The following LONRF1 variants were observed in gnomAD, a reference collection of about 807,000 sequenced individuals.
LONRF1 encodes LON peptidase N-terminal domain and ring finger 1.
In LONRF1, 37 loss-of-function variants were observed where a neutral mutation model predicts 85.8. The ratio of observed to expected loss-of-function variants is 0.43; its 90% CI spans 0.33 to 0.57. The LOEUF (loss-of-function observed/expected upper bound fraction) is 0.57. Ranked by LOEUF, LONRF1 falls within the 20% of genes least tolerant of loss-of-function variation. The pLI is 0.04. For synonymous variants in LONRF1, 517 were observed against 390.1 expected (o/e 1.33, Z -3.83); for missense variants, 1,036 against 978.0 (o/e 1.06, Z -0.79).
intron 1 of LONRF1, among the ~76,000 whole-genome samples, chr8:12,749,048 C>T (rs931326425): frequency 6.6e-6 from 1 of 152,180 alleles, no homozygotes; most frequent in Non-Finnish European, 1.5e-5. Flanking sequence ...AAAACACCTA[C>T]ATTTTATAAC....
At chr8:12,754,634 G>C (rs1192661110) in intron 1 of LONRF1, 66 bp downstream of exon 1, 2 of 1,254,826 alleles carry the variant, frequency 1.6e-6, no homozygotes, top group Non-Finnish European at 2.0e-6. Flanking sequence ...ACAAGCTCCG[G>C]GTCCCCGGCC....
chr8:12,745,596 C>G (rs543489670), intron 1 of LONRF1, among the ~76,000 whole-genome samples: 2 of 152,334 alleles, frequency 1.3e-5, no homozygotes, highest in East Asian at 3.8e-4. Flanking sequence ...CTTGAGGACA[C>G]TACAGACGAG....
intron 7 of LONRF1, among the ~76,000 whole-genome samples, chr8:12,733,946 A>G (rs1798624288): frequency 6.6e-6 from 1 of 152,198 alleles, no homozygotes; most frequent in Non-Finnish European, 1.5e-5. Context: ...CTTTCAAAAA[A>G]TATGCTTAGT....
At chr8:12,746,677 T>G (rs1417729336) in intron 1 of LONRF1, among the ~76,000 whole-genome samples, 1 of 152,248 alleles carries the variant, frequency 6.6e-6, no homozygotes. Context: ...CTAAATGATT[T>G]ACAATCTTCA....
chr8:12,741,094 C>G, intron 2 of LONRF1, 98 bp from the exon 3 acceptor site: 2 of 1,406,138 alleles, frequency 1.4e-6, no homozygotes, highest in Non-Finnish European at 1.9e-6. Context: ...TCAGCAGTGC[C>G]GATTCTGGGC....
chr8:12,741,077 A>G, intron 2 of LONRF1, 81 bp from the exon 3 acceptor site: 1 of 1,533,970 alleles, frequency 6.5e-7, no homozygotes, highest in Non-Finnish European at 8.9e-7. Flanking sequence ...GAAAAACAAT[A>G]GTCTGCTCAG....
intron 1 of LONRF1, among the ~76,000 whole-genome samples, chr8:12,749,138 T>C (rs1011257022): frequency 2.0e-5 from 3 of 152,244 alleles, no homozygotes; most frequent in East Asian, 3.8e-4. Flanking sequence ...TCTATAATAA[T>C]TGTTGATAAC....
At chr8:12,739,367 A>C (rs1798842538) in intron 3 of LONRF1, among the ~76,000 whole-genome samples, 1 of 150,416 alleles carries the variant, frequency 6.6e-6, no homozygotes, top group African/African-American at 2.4e-5. Flanking sequence ...AAACAAACCC[A>C]GACACAAAAC....
At chr8:12,743,346 A>G in intron 1 of LONRF1, 64 bp from the exon 2 acceptor site, 2 of 999,980 alleles carry the variant, frequency 2.0e-6, no homozygotes, top group Non-Finnish European at 3.1e-6. Context: ...TCTACAAAAT[A>G]TGATCATACC....
At chr8:12,726,736 A>G (rs79182389) in intron 10 of LONRF1, among the ~76,000 whole-genome samples, 2,631 of 152,322 alleles carry the variant, frequency 0.017, 86 homozygotes, top group African/African-American at 0.06. Flanking sequence ...GGCCTGACTC[A>G]GCCTTTCATA....
chr8:12,748,028 A>G (rs1047379537), intron 1 of LONRF1, among the ~76,000 whole-genome samples: 2 of 152,168 alleles, frequency 1.3e-5, no homozygotes, highest in East Asian at 1.9e-4. Flanking sequence ...ATGATTTTTA[A>G]TAGTTGCAAA....
intron 3 of LONRF1, among the ~76,000 whole-genome samples, chr8:12,739,418 T>C (rs1349961660): frequency 6.8e-6 from 1 of 147,318 alleles, no homozygotes; most frequent in African/African-American, 2.5e-5. Flanking sequence ...AGTTCTAGAA[T>C]AAGTAACACT....
intron 1 of LONRF1, chr8:12,754,165 C>T (rs1799529564): frequency 6.6e-6 from 1 of 152,242 alleles, no homozygotes; most frequent in Admixed American, 6.5e-5. Context: ...GCAATTCTGC[C>T]CTCCCGCGGT....
In LONRF1 at chr8:12,754,682, G is replaced by A. The variant is rs879510935; in HGVS notation, c.721+18C>T. On this transcript the variant is annotated intron_variant, in intron 1 of 11. Transcript: ENST00000398246. ...AGGGTGCGGTCGGCCCGGCCCCGCCGCATCCCCGCGCGGTCACCTGCTCGC... is the reference window on the plus strand; with the variant it reads ...AGGGTGCGGTCGGCCCGGCCCCGCCACATCCCCGCGCGGTCACCTGCTCGC... 728 of 1,329,558 alleles carry A rather than the reference G, an allele frequency of 5.5e-4. No homozygotes were observed. Among genetic ancestry groups the A allele is most frequent in the Non-Finnish European group, 6.4e-4 (674 of 1,049,702 alleles). The allele number at this position is 1,329,558 out of a possible 1,614,324, so 82.4% of individuals were successfully genotyped here. A position where few individuals can be genotyped will look rare whatever the true frequency, so the allele number is the denominator to read the frequency against.
intron 8 of LONRF1, among the ~76,000 whole-genome samples, chr8:12,730,454 A>C (rs1343215726): frequency 6.6e-6 from 1 of 152,162 alleles, no homozygotes; most frequent in Non-Finnish European, 1.5e-5. Flanking sequence ...TATAAACATA[A>C]GGTGAAACAT....
chr8:12,749,970 A>C (rs541454808), intron 1 of LONRF1, among the ~76,000 whole-genome samples: 98 of 152,350 alleles, frequency 6.4e-4, no homozygotes, highest in African/African-American at 2.3e-3. Context: ...GTAGCTACTC[A>C]ATAAAAATTT....
intron 3 of LONRF1, among the ~76,000 whole-genome samples, chr8:12,740,208 G>T (rs560498648): frequency 6.6e-6 from 1 of 152,272 alleles, no homozygotes; most frequent in South Asian, 2.1e-4. Context: ...TATTAGCATA[G>T]ATTTTCTCAA....
Position 12,737,989 on chromosome 8 carries a change from C to A in LONRF1, c.1113+6G>T. The stretch of plus-strand genomic sequence containing the variant: ...AAACTCATGATAACCTTGTCTCACC[C>A]CGTACCTGCTTTGGGCTAGGTTCAT... On this transcript the variant is annotated splice_donor_region_variant and intron_variant, in intron 4 of 11. Transcript: ENST00000398246. 6.2e-7 allele frequency: 1 copy of A among 1,600,106 alleles called. No individual in the cohort carries two copies. Among genetic ancestry groups the A allele is most frequent in the Non-Finnish European group, 8.5e-7 (1 of 1,175,522 alleles).
intron 1 of LONRF1, among the ~76,000 whole-genome samples, chr8:12,750,551 T>A (rs776077845): frequency 1.3e-5 from 2 of 152,238 alleles, no homozygotes; most frequent in Non-Finnish European, 2.9e-5. Flanking sequence ...TACTGTACCA[T>A]GTGGGTAACT....
Sources: gnomAD v4.1 joint callset for allele counts (sites outside exome capture counted in the v4.1 genomes callset) on GRCh38, gnomAD v4.1.1 for gene constraint, MANE v1.5 for transcripts, NCBI Gene and HGNC (gene_info 2026-07-23, HGNC 2026-07-21) for gene names.